Variants in EDC3 observed in about 807,000 individuals in gnomAD.
EDC3 encodes the protein enhancer of mRNA decapping 3, also known as enhancer of mRNA-decapping protein 3.
In EDC3, 20 loss-of-function variants were observed where a neutral mutation model predicts 41.8. That is an observed-to-expected ratio of 0.48 (90% CI 0.34 to 0.70). The LOEUF is 0.70. Ranked by LOEUF, EDC3 falls within the 30% of genes least tolerant of loss-of-function variation. EDC3 has a pLI of 0.01. For missense variants in EDC3, 444 were observed against 636.8 expected (o/e 0.70, Z 3.26); for synonymous variants, 206 against 243.2 (o/e 0.85, Z 1.42).
chr15:74,657,100 C>T (rs1196151700), intron 3 of EDC3, among the ~76,000 whole-genome samples: 1 of 152,220 alleles, frequency 6.6e-6, no homozygotes, highest in Non-Finnish European at 1.5e-5. Flanking sequence ...GCCATGAGTG[C>T]AGATACAAAA....
At chr15:74,661,358 C>G (rs1156831531) in intron 3 of EDC3, among the ~76,000 whole-genome samples, 2 of 152,172 alleles carry the variant, frequency 1.3e-5, no homozygotes, top group Non-Finnish European at 2.9e-5. Flanking sequence ...TACTCTACAT[C>G]AAAACTCTGC....
At chr15:74,649,864 G>C (rs1027743596) in intron 4 of EDC3, among the ~76,000 whole-genome samples, 9 of 150,322 alleles carry the variant, frequency 6.0e-5, no homozygotes, top group East Asian at 2.0e-4. Context: ...AAAAAAAGGG[G>C]GGGGGGGTCA....
chr15:74,654,352 T>C (rs778033215), intron 4 of EDC3, among the ~76,000 whole-genome samples: 2 of 151,666 alleles, frequency 1.3e-5, no homozygotes, highest in African/African-American at 2.4e-5. Context: ...ACTACAGATA[T>C]AGAGAGCTAG....
intron 1 of EDC3, among the ~76,000 whole-genome samples, chr15:74,675,385 A>G (rs1031405325): frequency 6.6e-6 from 1 of 151,932 alleles, no homozygotes; most frequent in Non-Finnish European, 1.5e-5. Flanking sequence ...TACATTGGAT[A>G]AAGATATTTA....
chr15:74,679,501 C>T lies in EDC3; in HGVS notation c.-18-4359G>A, dbSNP rs1047664718. On this transcript the variant is annotated intron_variant, in intron 1 of 6. Transcript: ENST00000315127. ...GAGAAAATCATAAACGTTATCACAT[C>T]AGTAAATACAGAAATATTATCTTGA... Among the ~76,000 whole-genome samples, 83 of 152,168 alleles carry T rather than the reference C, an allele frequency of 5.5e-4. 1 individual carries two copies. Among genetic ancestry groups the T allele is most frequent in the African/African-American group, 1.7e-3 (69 of 41,536 alleles).
chr15:74,675,696 C>T (rs543723154), intron 1 of EDC3, among the ~76,000 whole-genome samples: 4 of 150,074 alleles, frequency 2.7e-5, no homozygotes, highest in South Asian at 2.1e-4. Context: ...CTGGCTAACA[C>T]GGTGAAACCC....
chr15:74,640,286 G>A (rs2062333544), intron 5 of EDC3, 180 bp downstream of exon 5: 2 of 657,202 alleles, frequency 3.0e-6, no homozygotes, highest in African/African-American at 1.8e-5. Flanking sequence ...TAGGAGATGG[G>A]TCTGAGGAGG....
intron 4 of EDC3, among the ~76,000 whole-genome samples, chr15:74,648,505 G>A (rs1390609987): frequency 2.6e-5 from 4 of 152,220 alleles, no homozygotes; most frequent in Non-Finnish European, 4.4e-5. Context: ...CAAAGCCACA[G>A]GAACAAATCA....
At chr15:74,645,676 C>CGGG in intron 4 of EDC3, among the ~76,000 whole-genome samples, 1 of 148,874 alleles carries the variant, frequency 6.7e-6, no homozygotes, top group Middle Eastern at 3.5e-3. Flanking sequence ...CGAGATCATC[C>CGGG]TGGGCAACAT....
At chr15:74,640,686 C>CT (rs2062340472) in intron 4 of EDC3, 67 bp from the exon 5 acceptor site, 1 of 1,596,170 alleles carries the variant, frequency 6.3e-7, no homozygotes, top group African/African-American at 1.3e-5. Context: ...CGGGTATACT[C>CT]TATCCAAGAT....
At chr15:74,691,886 G>A (rs1340200588) in intron 1 of EDC3, among the ~76,000 whole-genome samples, 9 of 151,784 alleles carry the variant, frequency 5.9e-5, no homozygotes. Context: ...GAGCGATCTC[G>A]GCTCACTGCA....
intron 3 of EDC3, among the ~76,000 whole-genome samples, chr15:74,657,510 A>G (rs761419129): frequency 3.3e-5 from 5 of 152,198 alleles, no homozygotes; most frequent in Admixed American, 6.5e-5. Flanking sequence ...CGTGGAGTAA[A>G]CGGGGCACCC....
intron 3 of EDC3, among the ~76,000 whole-genome samples, chr15:74,660,483 T>A (rs2141625735): frequency 6.6e-6 from 1 of 150,642 alleles, no homozygotes; most frequent in African/African-American, 2.4e-5. Context: ...ATAATGATAT[T>A]TATATATATG....
chr15:74,687,036 A>AAAAAATAAAAAATAAAT (rs2062946104), intron 1 of EDC3: 3 of 152,232 alleles, frequency 2.0e-5, no homozygotes, highest in African/African-American at 7.2e-5. Flanking sequence ...TCCGTCTAGA[A>AAAAAATAAAAAATAAAT]AAAAATAAAA....
intron 1 of EDC3, among the ~76,000 whole-genome samples, chr15:74,676,599 A>G (rs1056921544): frequency 2.0e-5 from 3 of 152,188 alleles, no homozygotes; most frequent in Non-Finnish European, 2.9e-5. Context: ...AACTTCTTAG[A>G]CAAAAGTTAT....
intron 4 of EDC3, among the ~76,000 whole-genome samples, chr15:74,655,048 G>C (rs2062529090): frequency 6.6e-6 from 1 of 152,192 alleles, no homozygotes; most frequent in Non-Finnish European, 1.5e-5. Flanking sequence ...GAGGGGAAGG[G>C]ATGGGACACG....
intron 5 of EDC3, chr15:74,637,266 A>G (rs2062285471): frequency 6.6e-6 from 1 of 152,340 alleles, no homozygotes; most frequent in South Asian, 2.1e-4. Flanking sequence ...TTCAGACACT[A>G]AGAGAAAAGA....
chr15:74,671,305 G>A lies in EDC3; in HGVS notation c.484+150C>T. 1.1e-6 allele frequency: 1 copy of A among 903,552 alleles called. No homozygotes were observed. 56.0% of individuals were successfully genotyped at this position (903,552 alleles called of 1,614,324 possible). On this transcript the variant is annotated intron_variant, in intron 3 of 6. Coordinates refer to ENST00000315127, the MANE Select transcript of EDC3 (RefSeq NM_025083.5). The surrounding 1 kb of genome is among the most constrained non-coding windows in gnomAD (Gnocchi z 4.6). Reference sequence around the variant, plus strand: ...TTAACATCTTGAGGAATGAGGCCTGGAGGAAGAGAACCATGTTGTATTTCT... The same window carrying A: ...TTAACATCTTGAGGAATGAGGCCTGAAGGAAGAGAACCATGTTGTATTTCT...
At chr15:74,640,306 A>G in intron 5 of EDC3, 160 bp downstream of exon 5, 2 of 792,830 alleles carry the variant, frequency 2.5e-6, no homozygotes, top group South Asian at 3.7e-5. Context: ...GGGCAAAGAA[A>G]CCTCACAGCA....
Sources: gnomAD v4.1 joint callset for allele counts (sites outside exome capture counted in the v4.1 genomes callset) on GRCh38, gnomAD v4.1.1 for gene constraint, Gnocchi (gnomAD v3.1) non-coding constraint, MANE v1.5 for transcripts, NCBI Gene and HGNC (gene_info 2026-07-23, HGNC 2026-07-21) for gene names.